The following FMNL2 variants were observed in gnomAD, a reference collection of about 807,000 sequenced individuals.
The protein encoded by FMNL2 is formin-like protein 2.
Under a neutral mutation model 130.2 loss-of-function variants are expected in FMNL2, and 51 were observed. The ratio of observed to expected loss-of-function variants is 0.39; its 90% CI spans 0.31 to 0.49. FMNL2 has a LOEUF of 0.49. Among genes scored for constraint, FMNL2 ranks in the 20% least tolerant of loss-of-function variants. The pLI, the probability that FMNL2 is intolerant of heterozygous loss-of-function variation, is 0.85. For synonymous variants in FMNL2, 465 were observed against 467.1 expected, an observed-to-expected ratio of 1.00 and a Z score of 0.06; for missense variants, 977 against 1,316.2, an observed-to-expected ratio of 0.74 and a Z score of 3.99.
chr2:152,347,250 C>T (rs1350884635), intron 1 of FMNL2, among the ~76,000 whole-genome samples: 1 of 151,982 alleles, frequency 6.6e-6, no homozygotes, highest in Non-Finnish European at 1.5e-5. Flanking sequence ...ACTTTCTCAG[C>T]GGTCACACTT....
At chr2:152,622,417 T>A (rs7609122) in intron 15 of FMNL2, 1 of 452,102 alleles carries the variant, frequency 2.2e-6, no homozygotes, top group Admixed American at 2.4e-5. Context: ...TGTGCCGCCT[T>A]GTGAAATGTG....
chr2:152,403,073 C>A (rs942057649), intron 1 of FMNL2, among the ~76,000 whole-genome samples: 2 of 152,088 alleles, frequency 1.3e-5, no homozygotes, highest in African/African-American at 4.8e-5. Context: ...TGTTGTTTTT[C>A]TGTGGCGATT....
intron 1 of FMNL2, among the ~76,000 whole-genome samples, chr2:152,499,774 A>G (rs141973064): frequency 1.3e-5 from 2 of 152,354 alleles, no homozygotes; most frequent in East Asian, 3.9e-4. Flanking sequence ...CAAGCCTAGA[A>G]TAAGTATGAT....
chr2:152,480,838 G>C (rs563615105), intron 1 of FMNL2, among the ~76,000 whole-genome samples: 1 of 152,188 alleles, frequency 6.6e-6, no homozygotes, highest in East Asian at 1.9e-4. Flanking sequence ...TGAGTGCACT[G>C]TTCATTTTTC....
intron 1 of FMNL2, among the ~76,000 whole-genome samples, chr2:152,391,378 A>C (rs1442631119): frequency 6.6e-6 from 1 of 152,246 alleles, no homozygotes; most frequent in African/African-American, 2.4e-5. Context: ...ATGGTGAAGG[A>C]ACTGAGTAAG....
intron 6 of FMNL2, among the ~76,000 whole-genome samples, chr2:152,562,613 G>A (rs1695591918): frequency 6.6e-6 from 1 of 152,192 alleles, no homozygotes; most frequent in African/African-American, 2.4e-5. Context: ...GGAATGAATT[G>A]ATTCAATATT....
chr2:152,566,019 A>G (rs939085538), intron 6 of FMNL2, among the ~76,000 whole-genome samples: 2 of 152,198 alleles, frequency 1.3e-5, no homozygotes, highest in Non-Finnish European at 2.9e-5. Context: ...GGGCTCAAAC[A>G]GTCCTCCTGC....
chr2:152,435,585 G>GA (rs201076324), intron 1 of FMNL2, among the ~76,000 whole-genome samples: 285 of 134,534 alleles, frequency 2.1e-3, no homozygotes, highest in Non-Finnish European at 2.4e-3. Flanking sequence ...ATAAATGGCT[G>GA]AAAAAAAAAA....
At chr2:152,458,802 A>G (rs1442995407) in intron 1 of FMNL2, among the ~76,000 whole-genome samples, 3 of 152,186 alleles carry the variant, frequency 2.0e-5, no homozygotes, top group Non-Finnish European at 2.9e-5. Flanking sequence ...ACCCAGAGTG[A>G]TAGGCATCAT....
At chr2:152,526,821 A>T (rs1204395368) in intron 2 of FMNL2, among the ~76,000 whole-genome samples, 5 of 151,730 alleles carry the variant, frequency 3.3e-5, no homozygotes. Flanking sequence ...TTTCTAGTTC[A>T]TCTTTTTTTT....
intron 15 of FMNL2, among the ~76,000 whole-genome samples, chr2:152,623,920 A>G (rs140295019): frequency 6.7e-4 from 102 of 151,858 alleles, no homozygotes; most frequent in African/African-American, 2.4e-3. Context: ...CAGTATTTTT[A>G]ATGAGTGTGT....
intron 1 of FMNL2, chr2:152,390,058 T>A: frequency 6.3e-7 from 1 of 1,581,574 alleles, no homozygotes; most frequent in Non-Finnish European, 8.7e-7. Context: ...AACGGCAGCC[T>A]TGACTCCCCA....
intron 1 of FMNL2, among the ~76,000 whole-genome samples, chr2:152,392,334 G>C (rs975491549): frequency 1.3e-5 from 2 of 152,068 alleles, no homozygotes; most frequent in African/African-American, 4.8e-5. Flanking sequence ...CATCACAGTG[G>C]GAATGCATTT....
At chr2:152,635,723 C>T (rs993746361) in intron 21 of FMNL2, among the ~76,000 whole-genome samples, 10 of 152,140 alleles carry the variant, frequency 6.6e-5, no homozygotes, top group East Asian at 1.9e-4. Flanking sequence ...GTGCCTGCCC[C>T]GGGAGGGGCC....
At chr2:152,372,944 G>C (rs1349273051) in intron 1 of FMNL2, among the ~76,000 whole-genome samples, 5 of 152,190 alleles carry the variant, frequency 3.3e-5, no homozygotes, top group African/African-American at 1.2e-4. Flanking sequence ...TGAGTGCTCT[G>C]TTCTTATCGT....
At chr2:152,456,672 G>A (rs913269246) in intron 1 of FMNL2, among the ~76,000 whole-genome samples, 3 of 152,106 alleles carry the variant, frequency 2.0e-5, no homozygotes, top group Admixed American at 6.6e-5. Flanking sequence ...GGCCGGGCGC[G>A]GTAGCTCACG....
At chr2:152,391,593 C>G (rs1685111302) in intron 1 of FMNL2, among the ~76,000 whole-genome samples, 1 of 151,794 alleles carries the variant, frequency 6.6e-6, no homozygotes, top group African/African-American at 2.4e-5. Flanking sequence ...TGGTTGGTAC[C>G]AAGAGTTTGC....
At chr2:152,487,766 C>T (rs1331735183) in intron 1 of FMNL2, among the ~76,000 whole-genome samples, 1 of 151,188 alleles carries the variant, frequency 6.6e-6, no homozygotes, top group Non-Finnish European at 1.5e-5. Context: ...TAATAAAACA[C>T]TTTTAGATGA....
chr2:152,544,435 A>G (rs1331319460), intron 3 of FMNL2, among the ~76,000 whole-genome samples: 1 of 152,112 alleles, frequency 6.6e-6, no homozygotes, highest in Non-Finnish European at 1.5e-5. Flanking sequence ...ATAAATAAAT[A>G]CAGACACACC....
Sources: allele counts gnomAD v4.1 joint callset (sites outside exome capture counted in the v4.1 genomes callset), GRCh38; gene constraint gnomAD v4.1.1; transcripts MANE v1.5; gene names NCBI Gene and HGNC (gene_info 2026-07-23, HGNC 2026-07-21).